Variants in FRY observed in about 807,000 individuals in gnomAD.
FRY encodes the protein protein furry homolog.
A neutral mutation model predicts 348.4 loss-of-function variants in FRY; 128 were observed. That is an observed-to-expected ratio of 0.37 (90% CI 0.32 to 0.43). FRY has a LOEUF of 0.43. FRY is among the 20% of genes least tolerant of loss of function. The pLI, the probability that FRY is intolerant of heterozygous loss-of-function variation, is 1.00. For missense variants in FRY, 2,736 were observed against 3,695.2 expected, an observed-to-expected ratio of 0.74 and a Z score of 6.73; for synonymous variants, 1,370 against 1,374.7, an observed-to-expected ratio of 1.00 and a Z score of 0.08.
At chr13:32,261,370 T>C (rs1887636454) in intron 51 of FRY, 7 of 651,096 alleles carry the variant, frequency 1.1e-5, no homozygotes, top group South Asian at 8.2e-5. Flanking sequence ...AATGTAATTA[T>C]TACCCACCAT....
Position 32,194,406 on chromosome 13 carries a change from T to C in FRY, c.3746+109T>C, listed in dbSNP as rs182114324. ...AACTATATGAGCAAAGTAAGTTCTA[T>C]GAGAATATAAAATGTTCTGTATGTC... On this transcript the variant is annotated intron_variant, in intron 29 of 60. Transcript: ENST00000542859. 6.4e-4 allele frequency: 623 copies of C among 974,900 alleles called. 1 individual carries two copies. The highest frequency in any genetic ancestry group is 1.6e-3 in the Admixed American group (87 of 55,824). 60.4% of individuals were successfully genotyped at this position (974,900 alleles called of 1,614,324 possible).
rs1593865497 is a variant in FRY, at chr13:32,295,368, A to G, written c.8950A>G (p.Met2984Val). The change falls in exon 61 of 61, where the codon ATG (methionine) becomes GTG (valine). Residue 2984 changes from methionine (M) to valine (V), a missense_variant. Coordinates refer to ENST00000542859, the MANE Select transcript of FRY (RefSeq NM_023037.3). ...EICTKLMELN[M>V]EIRDMIRRAQ... is the part of the protein sequence containing the mutation. Reference sequence around the variant, plus strand: ...CTGCACCAAGCTGATGGAGCTGAACATGGAGATCCGGGACATGATCCGCAG... The same window carrying G: ...CTGCACCAAGCTGATGGAGCTGAACGTGGAGATCCGGGACATGATCCGCAG... 2.1e-5 allele frequency: 34 copies of G among 1,613,494 alleles called. No homozygotes were observed. In the East Asian group the frequency reaches 6.9e-4, roughly 33 times the overall value.
Position 32,297,355 on chromosome 13 carries a change from G to A in FRY, c.*1895G>A, listed in dbSNP as rs2072079512. The A allele has an allele frequency of 1.3e-5, 2 of 151,864 alleles. No homozygotes were observed. The highest frequency in any genetic ancestry group is 4.8e-5 in the African/African-American group (2 of 41,336). 9.4% of individuals were successfully genotyped at this position (151,864 alleles called of 1,614,324 possible). ...TCTCTGAAAAATATCATAAAATAAA[G>A]GTTTCTGTGGCTAACCACAGTAGAC... is the stretch of plus-strand genomic sequence containing the variant. On this transcript the variant is annotated 3_prime_UTR_variant, in exon 61 of 61. Transcript: ENST00000542859.
intron 11 of FRY, among the ~76,000 whole-genome samples, chr13:32,146,307 G>GT (rs1225882608): frequency 2.0e-5 from 3 of 151,968 alleles, no homozygotes; most frequent in Non-Finnish European, 4.4e-5. Flanking sequence ...GTTCATCTGA[G>GT]TTTTTTTGTT....
intron 59 of FRY, among the ~76,000 whole-genome samples, chr13:32,292,352 A>G (rs1593860952): frequency 6.6e-6 from 1 of 152,318 alleles, no homozygotes; most frequent in East Asian, 1.9e-4. Flanking sequence ...AATGACAACA[A>G]AAGTTTTACA....
At chr13:32,107,487 G>A (rs1175197662) in intron 3 of FRY, among the ~76,000 whole-genome samples, 1 of 152,200 alleles carries the variant, frequency 6.6e-6, no homozygotes, top group Admixed American at 6.5e-5. Context: ...CTAGGAATTT[G>A]TGCCCTCATT....
intron 3 of FRY, among the ~76,000 whole-genome samples, chr13:32,116,960 A>G (rs1484296226): frequency 1.3e-5 from 2 of 152,204 alleles, no homozygotes; most frequent in African/African-American, 2.4e-5. Flanking sequence ...ATGTAACTGT[A>G]TTCATATATT....
At chr13:32,088,473 C>T (rs1876034711) in intron 2 of FRY, among the ~76,000 whole-genome samples, 1 of 152,184 alleles carries the variant, frequency 6.6e-6, no homozygotes, top group African/African-American at 2.4e-5. Flanking sequence ...TGAAAATTCA[C>T]CCTAACCCAG....
At chr13:32,230,914 G>T (rs551265027) in intron 40 of FRY, among the ~76,000 whole-genome samples, 1 of 152,158 alleles carries the variant, frequency 6.6e-6, no homozygotes, top group African/African-American at 2.4e-5. Context: ...AGTCAGTGAT[G>T]TTGAGCTTTT....
chr13:32,224,143 A>C (rs1176157609), intron 36 of FRY, 92 bp from the exon 37 acceptor site: 26 of 1,182,280 alleles, frequency 2.2e-5, no homozygotes, highest in Non-Finnish European at 3.2e-5. Flanking sequence ...TTACAAGCAT[A>C]CATTTTTAAA....
Position 32,157,344 on chromosome 13 carries a change from G to A in FRY, c.1723G>A (p.Gly575Arg). ...NILRHLDKEV[G>R]RCMMLTNVQM... ...TTTAAGGCACCTTGATAAAGAAGTAGGAAGGTGTATGATGCTGACTAATGT... is the reference window on the plus strand; with the variant it reads ...TTTAAGGCACCTTGATAAAGAAGTAAGAAGGTGTATGATGCTGACTAATGT... Residue 575 changes from glycine to arginine, a missense_variant, in exon 16 of 61, where the codon GGA becomes AGA. Gly to Arg is a moderately radical substitution (Grantham distance 125, BLOSUM62 -2). Coordinates refer to ENST00000542859, the MANE Select transcript of FRY (RefSeq NM_023037.3). The A allele has an allele frequency of 6.2e-7, 1 of 1,612,160 alleles. No individual in the cohort carries two copies. Among genetic ancestry groups the A allele is most frequent in the Non-Finnish European group, 8.5e-7 (1 of 1,178,340 alleles).
chr13:32,273,858 A>G (rs1888347849), intron 55 of FRY, among the ~76,000 whole-genome samples: 1 of 152,210 alleles, frequency 6.6e-6, no homozygotes, highest in Admixed American at 6.5e-5. Context: ...GCAAAAACAA[A>G]AACAGTGTTG....
chr13:32,274,499 T>C (rs1471157487), intron 55 of FRY, among the ~76,000 whole-genome samples: 5 of 148,560 alleles, frequency 3.4e-5, no homozygotes, highest in East Asian at 1.9e-4. Context: ...CAAGGTCAGA[T>C]CGAGACCATC....
intron 35 of FRY, among the ~76,000 whole-genome samples, chr13:32,213,249 A>G (rs1456040125): frequency 2.0e-5 from 3 of 152,206 alleles, no homozygotes; most frequent in African/African-American, 7.2e-5. Context: ...GGATTTCATC[A>G]TGTGTATTGG....
At chr13:32,243,154 G>T (rs940857380) in intron 46 of FRY, among the ~76,000 whole-genome samples, 1 of 152,132 alleles carries the variant, frequency 6.6e-6, no homozygotes, top group South Asian at 2.1e-4. Flanking sequence ...ACACATTCAT[G>T]TCAATATTGG....
rs951405428 is a variant in FRY, at chr13:32,181,808, A to T, written c.2997-1169A>T. On this transcript the variant is annotated intron_variant, in intron 23 of 60. Coordinates refer to ENST00000542859, the MANE Select transcript of FRY (RefSeq NM_023037.3). ...TAAAATTGGCATAATAAATAAAAAT[A>T]TATAAGTGTATCTGTCTAATTTTTT... 5.3e-5 allele frequency among the ~76,000 whole-genome samples: 8 copies of T among 152,272 alleles called. No homozygotes were observed. In the South Asian group the frequency reaches 1.5e-3, roughly 28 times the overall value.
intron 3 of FRY, among the ~76,000 whole-genome samples, chr13:32,114,589 C>G (rs1423989439): frequency 6.6e-6 from 1 of 152,116 alleles, no homozygotes; most frequent in Non-Finnish European, 1.5e-5. Context: ...TTAGATTCGG[C>G]AGATTTACAC....
rs529965220 is a variant in FRY at position 32,088,501 on chromosome 13, T to C, written c.270+9468T>C. Among the ~76,000 whole-genome samples the C allele has an allele frequency of 9.2e-5, 14 of 152,344 alleles. No individual in the cohort carries two copies. In the South Asian group the frequency reaches 2.5e-3, roughly 27 times the overall value. ...TAACCCAGAAACATAGCATTGTTAG[T>C]AGCTAAAAAGATTCAATTTAACTGC... is the stretch of plus-strand genomic sequence containing the variant. On this transcript the variant is annotated intron_variant, in intron 2 of 60. Coordinates refer to ENST00000542859, the MANE Select transcript of FRY (RefSeq NM_023037.3).
In FRY at chr13:32,236,347, AACACAC is replaced by A. The variant is rs10617897; in HGVS notation, c.5810+193_5810+198del. Reference sequence around the variant, plus strand: ...TAAAAAAGAAGTCATAATACACACAAACACACACACACACACACACACATTATATAA... The same window carrying A: ...TAAAAAAGAAGTCATAATACACACAAACACACACACACACACATTATATAA... On this transcript the variant is annotated intron_variant, in intron 43 of 60. Coordinates refer to ENST00000542859, the MANE Select transcript of FRY (RefSeq NM_023037.3). Among the ~76,000 whole-genome samples, 87 of 151,266 alleles carry A rather than the reference AACACAC, an allele frequency of 5.8e-4. No homozygotes were observed. In the Middle Eastern group the frequency reaches 0.01, roughly 18 times the overall value.
Sources: gnomAD v4.1 joint callset for allele counts (sites outside exome capture counted in the v4.1 genomes callset) on GRCh38, gnomAD v4.1.1 for gene constraint, MANE v1.5 for transcripts, NCBI Gene and HGNC (gene_info 2026-07-23, HGNC 2026-07-21) for gene names.